The following EIF2AK4 variants were observed in gnomAD, a reference collection of about 807,000 sequenced individuals.
The protein encoded by EIF2AK4 is eIF-2-alpha kinase GCN2.
A neutral mutation model predicts 211.1 loss-of-function variants in EIF2AK4; 139 were observed. That is an observed-to-expected ratio of 0.66 (90% confidence interval 0.57 to 0.76). EIF2AK4 has a LOEUF of 0.76. Among genes scored for constraint, EIF2AK4 ranks in the 30% least tolerant of loss-of-function variants. EIF2AK4 has a pLI of 0.00. For missense variants in EIF2AK4, 1,664 were observed against 2,043.8 expected, an observed-to-expected ratio of 0.81 and a Z score of 3.58; for synonymous variants, 710 against 751.3, an observed-to-expected ratio of 0.94 and a Z score of 0.90.
At chr15:39,946,744 C>G in intron 3 of EIF2AK4, 1 of 680,258 alleles carries the variant, frequency 1.5e-6, no homozygotes, top group Non-Finnish European at 2.7e-6. Context: ...AAGAAATTGC[C>G]GCAACCACCC....
intron 5 of EIF2AK4, among the ~76,000 whole-genome samples, chr15:39,954,782 T>C (rs1051760890): frequency 6.6e-6 from 1 of 152,224 alleles, no homozygotes; most frequent in Non-Finnish European, 1.5e-5. Context: ...AGAGAAAATT[T>C]TACTCATTCT....
chr15:39,963,592 A>G (rs1276296525), intron 7 of EIF2AK4, among the ~76,000 whole-genome samples: 1 of 152,188 alleles, frequency 6.6e-6, no homozygotes, highest in Non-Finnish European at 1.5e-5. Flanking sequence ...ATAAAAAACA[A>G]TATTTGTTTT....
intron 3 of EIF2AK4, among the ~76,000 whole-genome samples, chr15:39,944,623 C>A (rs544316631): frequency 6.6e-6 from 1 of 151,902 alleles, no homozygotes; most frequent in African/African-American, 2.4e-5. Flanking sequence ...TTAGTAGAGA[C>A]GGGGTTTCAC....
chr15:40,002,505 T>C lies in EIF2AK4; in HGVS notation c.3160-208T>C, dbSNP rs112577029. The C allele has an allele frequency of 1.1e-3, 538 of 498,434 alleles. 4 individuals are homozygous for C. The highest frequency in any genetic ancestry group is 3.8e-3 in the Middle Eastern group (8 of 2,098). The allele number at this position is 498,434 out of a possible 1,614,324, so 30.9% of individuals were successfully genotyped here. A position where few individuals can be genotyped will look rare whatever the true frequency, so the allele number is the denominator to read the frequency against. Reference sequence around the variant, plus strand: ...GAACCCAGGCATCCTTCCCATTGGTTGAAAGGTTAGCTCTTGCTTTCCAAA... The same window carrying C: ...GAACCCAGGCATCCTTCCCATTGGTCGAAAGGTTAGCTCTTGCTTTCCAAA... On this transcript the variant is annotated intron_variant, in intron 21 of 38. Coordinates refer to ENST00000263791, the MANE Select transcript of EIF2AK4 (RefSeq NM_001013703.4).
chr15:39,972,871 T>C, intron 9 of EIF2AK4, 37 bp from the exon 10 acceptor site: 1 of 1,548,542 alleles, frequency 6.5e-7, no homozygotes, highest in Non-Finnish European at 8.9e-7. Context: ...GCACTGATTG[T>C]TTGTGATGCT....
At chr15:39,999,773 CTAT>C (rs1054195933) in intron 20 of EIF2AK4, among the ~76,000 whole-genome samples, 1 of 152,144 alleles carries the variant, frequency 6.6e-6, no homozygotes, top group African/African-American at 2.4e-5. Flanking sequence ...CTTTTGGTAG[CTAT>C]TATTGTTTCT....
intron 2 of EIF2AK4, among the ~76,000 whole-genome samples, chr15:39,943,121 T>C (rs1441602791): frequency 6.6e-6 from 1 of 152,072 alleles, no homozygotes; most frequent in Admixed American, 6.5e-5. Flanking sequence ...GAAATTTTAA[T>C]CAGATTGTAA....
intron 1 of EIF2AK4, among the ~76,000 whole-genome samples, chr15:39,935,875 T>C (rs1352021842): frequency 1.3e-5 from 2 of 152,226 alleles, no homozygotes; most frequent in Non-Finnish European, 2.9e-5. Flanking sequence ...AAGTTATTTT[T>C]AACCTGAAAT....
At chr15:39,996,934 T>C in intron 18 of EIF2AK4, 30 bp from the exon 19 acceptor site, 1 of 1,435,574 alleles carries the variant, frequency 7.0e-7, no homozygotes, top group Non-Finnish European at 9.8e-7. Flanking sequence ...ATATCAAGGC[T>C]CTCTAAATGC....
chr15:40,034,500 G>A (rs1248391260), intron 38 of EIF2AK4, 56 bp downstream of exon 38: 6 of 1,334,006 alleles, frequency 4.5e-6, no homozygotes, highest in Admixed American at 3.5e-5. Context: ...AGGGCGGGGG[G>A]TTTCAGAGTG....
intron 3 of EIF2AK4, 63 bp from the exon 4 acceptor site, chr15:39,949,053 C>G (rs2140902104): frequency 6.3e-7 from 1 of 1,586,992 alleles, no homozygotes; most frequent in East Asian, 2.3e-5. Context: ...GTTCTGTAGC[C>G]TCTCCTGTTT....
intron 32 of EIF2AK4, among the ~76,000 whole-genome samples, chr15:40,022,978 C>T (rs187764955): frequency 1.2e-4 from 18 of 152,312 alleles, no homozygotes; most frequent in South Asian, 2.1e-4. Flanking sequence ...CTGCCCGCCT[C>T]GGCCTCCCAA....
chr15:39,939,570 T>C lies in EIF2AK4; in HGVS notation c.210T>C (p.Tyr70=), dbSNP rs17848510. 111 of 1,613,228 alleles carry C rather than the reference T, an allele frequency of 6.9e-5. No homozygotes were observed. In the East Asian group the frequency reaches 2.3e-3, roughly 33 times the overall value. ...AAGGCCTAACTGGTGAAGAAGTATA[T>C]GTAAAAGTGGATTTGAGGGTTAAAT... ...YPQGLTGEEV[Y]VKVDLRVKCP... Residue 70 remains tyrosine, a synonymous_variant, in exon 2 of 39, where the codon TAT becomes TAC. Transcript: ENST00000263791.
chr15:39,962,374 A>G (rs2034484642), intron 7 of EIF2AK4, among the ~76,000 whole-genome samples: 1 of 152,266 alleles, frequency 6.6e-6, no homozygotes, highest in Non-Finnish European at 1.5e-5. Context: ...AAAAATGATT[A>G]AAATATTATC....
At chr15:39,996,014 C>G (rs1467555561) in intron 18 of EIF2AK4, among the ~76,000 whole-genome samples, 5 of 152,066 alleles carry the variant, frequency 3.3e-5, no homozygotes, top group Admixed American at 3.3e-4. Flanking sequence ...CTCCCCTTGA[C>G]CCCCAGTCCC....
At chr15:39,944,567 G>T (rs1395938186) in intron 3 of EIF2AK4, among the ~76,000 whole-genome samples, 1 of 151,728 alleles carries the variant, frequency 6.6e-6, no homozygotes, top group Non-Finnish European at 1.5e-5. Context: ...GAGTAGCTGG[G>T]ACTACAGGCA....
At chr15:39,973,915 G>T (rs955997223) in intron 11 of EIF2AK4, 166 bp downstream of exon 11, 2 of 675,296 alleles carry the variant, frequency 3.0e-6, no homozygotes, top group East Asian at 2.9e-5. Flanking sequence ...TTTTATTTAA[G>T]TTACGCTGGA....
At chr15:40,031,851 G>A (rs554514751) in intron 35 of EIF2AK4, among the ~76,000 whole-genome samples, 6 of 151,908 alleles carry the variant, frequency 3.9e-5, no homozygotes, top group South Asian at 2.1e-4. Context: ...TCAGCCTCCC[G>A]AATAGCTAGT....
chr15:39,989,179 A>G (rs908231336), intron 15 of EIF2AK4, among the ~76,000 whole-genome samples: 1 of 152,230 alleles, frequency 6.6e-6, no homozygotes, highest in South Asian at 2.1e-4. Flanking sequence ...ATGTCATTTT[A>G]AAGCTAGAAA....
Sources: allele counts gnomAD v4.1 joint callset (sites outside exome capture counted in the v4.1 genomes callset), GRCh38; gene constraint gnomAD v4.1.1; transcripts MANE v1.5; gene names NCBI Gene and HGNC (gene_info 2026-07-23, HGNC 2026-07-21).